The following ITGA8 variants were observed in gnomAD, a reference collection of about 807,000 sequenced individuals.
The protein encoded by ITGA8 is integrin subunit alpha 8.
In ITGA8, 91 loss-of-function variants were observed where a neutral mutation model predicts 142.3. The ratio of observed to expected loss-of-function variants is 0.64; its 90% CI spans 0.54 to 0.76. The LOEUF (loss-of-function observed/expected upper bound fraction) is 0.76, where lower values mean the gene tolerates loss of function less well. ITGA8 is among the 30% of genes least tolerant of loss of function. The pLI is 0.00. For synonymous variants in ITGA8, 505 were observed against 485.2 expected (o/e 1.04, Z -0.54); for missense variants, 1,406 against 1,327.7 (o/e 1.06, Z -0.92).
intron 2 of ITGA8, among the ~76,000 whole-genome samples, chr10:15,690,651 C>T (rs189307401): frequency 1.7e-4 from 26 of 152,292 alleles, no homozygotes; most frequent in Admixed American, 6.5e-4. Flanking sequence ...AGAGGGATCT[C>T]CTTGGCTATG....
chr10:15,654,380 C>G (rs1356091258), intron 11 of ITGA8, among the ~76,000 whole-genome samples: 1 of 152,128 alleles, frequency 6.6e-6, no homozygotes, highest in Non-Finnish European at 1.5e-5. Context: ...TTTCTCTGCA[C>G]CTAGAACAGT....
At chr10:15,646,353 T>C (rs557594132) in intron 12 of ITGA8, among the ~76,000 whole-genome samples, 1 of 152,326 alleles carries the variant, frequency 6.6e-6, no homozygotes, top group African/African-American at 2.4e-5. Context: ...TTATTTTTAT[T>C]GTAACCTGGA....
At chr10:15,647,909 A>G (rs952954996) in intron 11 of ITGA8, among the ~76,000 whole-genome samples, 1 of 152,216 alleles carries the variant, frequency 6.6e-6, no homozygotes, top group Non-Finnish European at 1.5e-5. Flanking sequence ...CCAAATAAAA[A>G]TTTGAATTCT....
chr10:15,590,779 C>T (rs1832908936), intron 22 of ITGA8, among the ~76,000 whole-genome samples: 1 of 152,024 alleles, frequency 6.6e-6, no homozygotes, highest in South Asian at 2.1e-4. Flanking sequence ...AGGAATATTA[C>T]AGAAGAATTT....
At chr10:15,558,319 A>C in intron 25 of ITGA8, 117 bp from the exon 26 acceptor site, 1 of 1,184,232 alleles carries the variant, frequency 8.4e-7, no homozygotes, top group Non-Finnish European at 1.2e-6. Flanking sequence ...TCACATGAGG[A>C]TCCAGACCTG....
intron 26 of ITGA8, among the ~76,000 whole-genome samples, chr10:15,554,405 C>T (rs915360551): frequency 1.3e-5 from 2 of 152,202 alleles, no homozygotes; most frequent in South Asian, 2.1e-4. Flanking sequence ...AAATAATGCA[C>T]TATTCTTTTG....
intron 13 of ITGA8, 94 bp downstream of exon 13, chr10:15,643,936 T>C (rs997743377): frequency 3.7e-6 from 4 of 1,093,218 alleles, no homozygotes; most frequent in Non-Finnish European, 5.2e-6. Flanking sequence ...GCCTCATCTG[T>C]AGAAGAAAAC....
In ITGA8 at chr10:15,592,200, C is replaced by T. The variant is rs115860095; in HGVS notation, c.2291+25G>A. 1.7e-3 allele frequency: 2,572 copies of T among 1,554,268 alleles called. 32 individuals carry two copies. The African/African-American group carries it at 0.028, about 17-fold the overall frequency. ...TCTCTTTTCTTTTGACTGCTGTCAA[C>T]GATATAGGCATGTAAAGGTCTAACC... On this transcript the variant is annotated intron_variant, in intron 22 of 29. Coordinates refer to ENST00000378076, the MANE Select transcript of ITGA8 (RefSeq NM_003638.3).
At chr10:15,692,736 C>G (rs1245608082) in intron 2 of ITGA8, among the ~76,000 whole-genome samples, 1 of 152,186 alleles carries the variant, frequency 6.6e-6, no homozygotes, top group African/African-American at 2.4e-5. Context: ...TGGGTAGAAA[C>G]TCAACCCAAT....
chr10:15,573,022 T>G (rs1386575114), intron 24 of ITGA8, among the ~76,000 whole-genome samples: 18 of 152,244 alleles, frequency 1.2e-4, no homozygotes, highest in Admixed American at 1.2e-3. Context: ...CTAAGTGCAT[T>G]TACATTTATT....
rs9333138 is a variant in ITGA8 at position 15,645,363 on chromosome 10, AT to A, written c.1208-1143del. ...GCTTCTTTTATCTTTTAAAAATACT[AT>A]TAAAGGTTTGAGAGAAAAGACAAAT... On this transcript the variant is annotated intron_variant, in intron 12 of 29. Transcript: ENST00000378076. 6.1e-3 allele frequency among the ~76,000 whole-genome samples: 935 copies of A among 152,210 alleles called. 9 individuals carry two copies. The highest frequency in any genetic ancestry group is 0.022 in the African/African-American group (901 of 41,538).
intron 25 of ITGA8, among the ~76,000 whole-genome samples, chr10:15,569,678 C>T (rs994663872): frequency 2.0e-5 from 3 of 152,134 alleles, no homozygotes; most frequent in Admixed American, 1.3e-4. Context: ...CTCAGCCTTC[C>T]GAGTAGCTAC....
intron 27 of ITGA8, among the ~76,000 whole-genome samples, chr10:15,541,768 C>G (rs968021669): frequency 6.6e-6 from 1 of 152,004 alleles, no homozygotes; most frequent in Non-Finnish European, 1.5e-5. Flanking sequence ...CTCCACTTTC[C>G]CTCCCAAAAC....
At position 15,678,787 on chromosome 10, in the gene ITGA8, G is replaced by A. The variant is rs898846219; in HGVS notation, c.569-4C>T. 6.3e-7 allele frequency: 1 copy of A among 1,586,546 alleles called. No individual in the cohort carries two copies. Among genetic ancestry groups the A allele is most frequent in the South Asian group, 1.1e-5 (1 of 89,750 alleles). Reference sequence around the variant, plus strand: ...TGGCCTTCCGGATCAGCATTGCCTAGAACGATCAAAATACATAAATGTTAT... The same window carrying A: ...TGGCCTTCCGGATCAGCATTGCCTAAAACGATCAAAATACATAAATGTTAT... On this transcript the variant is annotated splice_region_variant and splice_polypyrimidine_tract_variant and intron_variant, in intron 4 of 29. Transcript: ENST00000378076.
At chr10:15,526,725 T>C (rs1337560729) in intron 28 of ITGA8, among the ~76,000 whole-genome samples, 1 of 152,222 alleles carries the variant, frequency 6.6e-6, no homozygotes, top group African/African-American at 2.4e-5. Context: ...AAAAATAGCT[T>C]TAAGTAAGTT....
chr10:15,522,940 A>C (rs1833097244), intron 28 of ITGA8, among the ~76,000 whole-genome samples: 1 of 151,896 alleles, frequency 6.6e-6, no homozygotes, highest in South Asian at 2.1e-4. Flanking sequence ...TGAACCCGGG[A>C]GGGAGAGGTT....
intron 26 of ITGA8, among the ~76,000 whole-genome samples, chr10:15,553,267 A>G (rs1477340024): frequency 2.0e-5 from 3 of 151,792 alleles, no homozygotes; most frequent in African/African-American, 7.3e-5. Flanking sequence ...AAGAAAAAAA[A>G]AATTTACTTG....
intron 27 of ITGA8, among the ~76,000 whole-genome samples, chr10:15,540,201 A>G (rs1833540793): frequency 6.6e-6 from 1 of 152,158 alleles, no homozygotes; most frequent in South Asian, 2.1e-4. Flanking sequence ...ATTGTTAACT[A>G]TAATCTCCCC....
At chr10:15,636,467 C>T (rs1015754925) in intron 13 of ITGA8, among the ~76,000 whole-genome samples, 6 of 152,142 alleles carry the variant, frequency 3.9e-5, no homozygotes, top group Non-Finnish European at 5.9e-5. Context: ...AGCCTAAAAA[C>T]GTATTGGGTG....
Sources: allele counts gnomAD v4.1 joint callset (sites outside exome capture counted in the v4.1 genomes callset), GRCh38; gene constraint gnomAD v4.1.1; transcripts MANE v1.5; gene names NCBI Gene and HGNC (gene_info 2026-07-23, HGNC 2026-07-21).